TG: variants seen among roughly 807,000 people sequenced by gnomAD.
TG encodes thyroid hormones.
In TG, 270 loss-of-function variants were observed where a neutral mutation model predicts 324.7. The ratio of observed to expected loss-of-function variants is 0.83; its 90% CI spans 0.75 to 0.92. The LOEUF is 0.92. Ranked by LOEUF, TG falls within the 40% of genes least tolerant of loss-of-function variation. The pLI, the probability that TG is intolerant of heterozygous loss-of-function variation, is 0.00. For synonymous variants in TG, 1,401 were observed against 1,327.0 expected, an observed-to-expected ratio of 1.06 and a Z score of -1.21; for missense variants, 3,591 against 3,456.4, an observed-to-expected ratio of 1.04 and a Z score of -0.98.
At chr8:133,078,154 T>C (rs1845187669) in intron 41 of TG, among the ~76,000 whole-genome samples, 1 of 152,220 alleles carries the variant, frequency 6.6e-6, no homozygotes, top group Admixed American at 6.5e-5. Flanking sequence ...TCACCCATCC[T>C]TCCTCTCCAC....
chr8:132,868,105 C>T lies in TG; in HGVS notation c.68-10C>T. The T allele has an allele frequency of 2.5e-6, 4 of 1,613,982 alleles. No homozygotes were observed. The highest frequency in any genetic ancestry group is 1.3e-5 in the African/African-American group (1 of 75,048). ...CACTCTTCTTTGATGAACCACTTTT[C>T]TTTTCCTAGAGTACCAGGTGGATGC... On this transcript the variant is annotated splice_polypyrimidine_tract_variant and intron_variant, in intron 1 of 47. Coordinates refer to ENST00000220616, the MANE Select transcript of TG (RefSeq NM_003235.5).
At chr8:133,039,245 C>A (rs1837697956) in intron 41 of TG, among the ~76,000 whole-genome samples, 2 of 152,208 alleles carry the variant, frequency 1.3e-5, no homozygotes, top group Admixed American at 1.3e-4. Context: ...ATTATTCTAA[C>A]CCATTATTTT....
chr8:132,912,669 G>T (rs1301343440), intron 19 of TG, among the ~76,000 whole-genome samples: 2 of 152,108 alleles, frequency 1.3e-5, no homozygotes, highest in African/African-American at 4.8e-5. Context: ...CCATTTTTCA[G>T]GTGGGAAAAC....
chr8:132,887,975 C>T lies in TG; in HGVS notation c.2177-9C>T. On this transcript the variant is annotated splice_polypyrimidine_tract_variant and intron_variant, in intron 9 of 47. Coordinates refer to ENST00000220616, the MANE Select transcript of TG (RefSeq NM_003235.5). ...TAAACTGAAACACCTGCTCATTGTTCCTCCCCAGGCCCCACGCCCTGTCAA... is the reference window on the plus strand; with the variant it reads ...TAAACTGAAACACCTGCTCATTGTTTCTCCCCAGGCCCCACGCCCTGTCAA... 1.2e-6 allele frequency: 2 copies of T among 1,610,670 alleles called. No homozygotes were observed. Among genetic ancestry groups the T allele is most frequent in the Non-Finnish European group, 8.5e-7 (1 of 1,178,324 alleles).
At chr8:132,949,472 G>A (rs756247508) in intron 27 of TG, among the ~76,000 whole-genome samples, 2 of 152,184 alleles carry the variant, frequency 1.3e-5, no homozygotes, top group Non-Finnish European at 2.9e-5. Flanking sequence ...CTTTAGTTGG[G>A]GGGACTGCCA....
intron 41 of TG, chr8:133,073,342 T>C (rs1026767241): frequency 6.6e-6 from 1 of 152,240 alleles, no homozygotes; most frequent in African/African-American, 2.4e-5. Flanking sequence ...TATTAAGCAC[T>C]CTTAAATAGA....
intron 37 of TG, among the ~76,000 whole-genome samples, chr8:133,015,532 C>G (rs1252177720): frequency 2.6e-5 from 4 of 152,186 alleles, no homozygotes. Context: ...TGGGGATTCA[C>G]TGGGCAGCCT....
chr8:133,074,597 C>T (rs889522009), intron 41 of TG, among the ~76,000 whole-genome samples: 9 of 152,176 alleles, frequency 5.9e-5, no homozygotes, highest in Non-Finnish European at 1.5e-5. Flanking sequence ...GCCTTTTTGG[C>T]GAGAATGTCT....
chr8:132,911,549 G>A lies in TG; in HGVS notation c.4159+16G>A, dbSNP rs1819528101. On this transcript the variant is annotated intron_variant, in intron 19 of 47. Coordinates refer to ENST00000220616, the MANE Select transcript of TG (RefSeq NM_003235.5). ...CATGACATTGGTATGTTTTTCTGTG[G>A]TAGTACCTAGAATAAGCTATGCAGC... 1.2e-6 allele frequency: 2 copies of A among 1,601,800 alleles called. No individual in the cohort carries two copies. The highest frequency in any genetic ancestry group is 2.2e-5 in the East Asian group (1 of 44,838).
chr8:133,048,933 C>T (rs1173967189), intron 41 of TG: 15 of 309,826 alleles, frequency 4.8e-5, no homozygotes, highest in Middle Eastern at 1.0e-3. Flanking sequence ...CATGTAGAGT[C>T]CTCTGGACAT....
At chr8:132,941,576 G>A in intron 26 of TG, 34 bp downstream of exon 26, 1 of 1,613,536 alleles carries the variant, frequency 6.2e-7, no homozygotes, top group Non-Finnish European at 8.5e-7. Flanking sequence ...GGCCTAACAA[G>A]GGATGGGGAG....
intron 41 of TG, among the ~76,000 whole-genome samples, chr8:133,054,464 C>T (rs575545468): frequency 1.1e-3 from 172 of 152,124 alleles, no homozygotes; most frequent in African/African-American, 1.4e-3. Context: ...TTGATTTCTT[C>T]GTGAATAAAA....
At chr8:132,899,795 C>A (rs1425568634) in intron 14 of TG, among the ~76,000 whole-genome samples, 1 of 152,122 alleles carries the variant, frequency 6.6e-6, no homozygotes, top group Non-Finnish European at 1.5e-5. Flanking sequence ...AGCTTAGAGG[C>A]GCTCTGAGGT....
chr8:133,092,280 A>T (rs1847680392), intron 41 of TG, among the ~76,000 whole-genome samples: 1 of 152,256 alleles, frequency 6.6e-6, no homozygotes, highest in Non-Finnish European at 1.5e-5. Context: ...ACTGAGGTCA[A>T]GGCACCTTAC....
chr8:133,120,195 A>T (rs1851030689), intron 45 of TG, among the ~76,000 whole-genome samples: 1 of 152,130 alleles, frequency 6.6e-6, no homozygotes, highest in African/African-American at 2.4e-5. Context: ...GAAAGGTGTA[A>T]CTCTCTCACA....
chr8:133,002,993 T>C, intron 35 of TG: 1 of 1,021,512 alleles, frequency 9.8e-7, no homozygotes, highest in South Asian at 3.9e-5. Context: ...CACATGTACC[T>C]GGCCAAACGA....
rs145498758 is a variant in TG, at chr8:133,038,704, C to T, written c.7239+8681C>T. 140 of 1,613,842 alleles carry T rather than the reference C, an allele frequency of 8.7e-5. 1 individual carries two copies. The highest frequency in any genetic ancestry group is 6.0e-4 in the African/African-American group (45 of 74,844). ...TGAAAAGGGACTCGTCTACCCCAAGCGGGTTCTCTGTTCCCTCGGGGTCCT... is the reference window on the plus strand; with the variant it reads ...TGAAAAGGGACTCGTCTACCCCAAGTGGGTTCTCTGTTCCCTCGGGGTCCT... On this transcript the variant is annotated intron_variant, in intron 41 of 47. Coordinates refer to ENST00000220616, the MANE Select transcript of TG (RefSeq NM_003235.5).
intron 43 of TG, among the ~76,000 whole-genome samples, chr8:133,111,473 T>C (rs1850244266): frequency 6.6e-6 from 1 of 152,204 alleles, no homozygotes; most frequent in Admixed American, 6.5e-5. Flanking sequence ...TGTAATGAAA[T>C]ATTCCAGGCA....
chr8:133,029,669 A>G lies in TG; in HGVS notation c.7037-152A>G, dbSNP rs1389698481. 9 of 896,148 alleles carry G rather than the reference A, an allele frequency of 1.0e-5. No homozygotes were observed. In the African/African-American group the frequency reaches 1.5e-4, roughly 15 times the overall value. 55.5% of individuals were successfully genotyped at this position (896,148 alleles called of 1,614,324 possible). A position where few individuals can be genotyped will look rare whatever the true frequency, so the allele number is the denominator to read the frequency against. ...GGCCCATGCTCCTCCACTGTTCCTC[A>G]CTGTATTTGGAACCCACAGTCTCTA... On this transcript the variant is annotated intron_variant, in intron 40 of 47. Transcript: ENST00000220616.
Sources: allele counts gnomAD v4.1 joint callset (sites outside exome capture counted in the v4.1 genomes callset), GRCh38; gene constraint gnomAD v4.1.1; transcripts MANE v1.5; gene names NCBI Gene and HGNC (gene_info 2026-07-23, HGNC 2026-07-21).